Variants in ROR1 observed in about 807,000 individuals in gnomAD.
The protein encoded by ROR1 is ROR family WNT receptor 1.
A neutral mutation model predicts 78.8 loss-of-function variants in ROR1; 19 were observed. The ratio of observed to expected loss-of-function variants is 0.24; its 90% CI spans 0.17 to 0.35. The LOEUF is 0.35. ROR1 is among the 10% of genes least tolerant of loss of function. The pLI is 1.00. For synonymous variants in ROR1, 386 were observed against 433.6 expected (o/e 0.89, Z 1.36); for missense variants, 917 against 1,177.8 (o/e 0.78, Z 3.24).
At chr1:64,101,797 T>C (rs562812498) in intron 4 of ROR1, among the ~76,000 whole-genome samples, 1 of 152,276 alleles carries the variant, frequency 6.6e-6, no homozygotes, top group South Asian at 2.1e-4. Context: ...GAGTGAGCCA[T>C]ACGTTTATCT....
intron 4 of ROR1, among the ~76,000 whole-genome samples, chr1:64,051,876 A>C (rs969620831): frequency 1.3e-5 from 2 of 152,248 alleles, no homozygotes; most frequent in Non-Finnish European, 2.9e-5. Flanking sequence ...TATAACAGCC[A>C]CTTAATTTGC....
intron 1 of ROR1, among the ~76,000 whole-genome samples, chr1:63,861,032 C>T (rs1247553322): frequency 6.6e-6 from 1 of 152,056 alleles, no homozygotes; most frequent in African/African-American, 2.4e-5. Context: ...TTCTGTTTTG[C>T]CTGATGGAGT....
At chr1:63,829,807 G>A (rs1644975478) in intron 1 of ROR1, among the ~76,000 whole-genome samples, 1 of 152,122 alleles carries the variant, frequency 6.6e-6, no homozygotes, top group East Asian at 1.9e-4. Flanking sequence ...TTCCAAGAAA[G>A]GAGTGACTTG....
chr1:63,941,712 C>T (rs191894989), intron 1 of ROR1, among the ~76,000 whole-genome samples: 55 of 152,270 alleles, frequency 3.6e-4, no homozygotes, highest in African/African-American at 1.2e-3. Context: ...ACCTCCAGGG[C>T]TTTGTATGGA....
At chr1:64,078,565 T>C (rs1018784639) in intron 4 of ROR1, among the ~76,000 whole-genome samples, 1 of 152,108 alleles carries the variant, frequency 6.6e-6, no homozygotes, top group African/African-American at 2.4e-5. Context: ...CAGAGCCTAT[T>C]CCTAGGGTAG....
intron 4 of ROR1, among the ~76,000 whole-genome samples, chr1:64,104,436 A>C (rs1647702836): frequency 6.6e-6 from 1 of 152,156 alleles, no homozygotes; most frequent in African/African-American, 2.4e-5. Context: ...CTACTAATCA[A>C]TATAGCATGA....
At chr1:63,895,394 C>G (rs887588291) in intron 1 of ROR1, among the ~76,000 whole-genome samples, 1 of 152,124 alleles carries the variant, frequency 6.6e-6, no homozygotes, top group Non-Finnish European at 1.5e-5. Flanking sequence ...GGCTAACACT[C>G]ACTTAAGAAA....
intron 8 of ROR1, among the ~76,000 whole-genome samples, chr1:64,161,518 C>T (rs1206768647): frequency 6.6e-6 from 1 of 152,216 alleles, no homozygotes; most frequent in African/African-American, 2.4e-5. Context: ...GTAGCCCTAG[C>T]CCTGCCAGGG....
At position 63,872,426 on chromosome 1, in the gene ROR1, A is replaced by AT. The variant is rs60486807; in HGVS notation, c.91+97928dup. Among the ~76,000 whole-genome samples the AT allele has an allele frequency of 3.5e-4, 53 of 149,936 alleles. No individual in the cohort carries two copies. The East Asian group carries it at 6.9e-3, about 19-fold the overall frequency. ...TAAGTTCTTTAACCTCCTTTTGCTT[A>AT]TTTTTTTTTTCTCCCTGCAACATGG... On this transcript the variant is annotated intron_variant, in intron 1 of 8. Coordinates refer to ENST00000371079, the MANE Select transcript of ROR1 (RefSeq NM_005012.4).
At chr1:64,050,016 A>G (rs368310376) in intron 3 of ROR1, 38 bp downstream of exon 3, 186 of 1,606,508 alleles carry the variant, frequency 1.2e-4, no homozygotes, top group Non-Finnish European at 1.5e-4. Flanking sequence ...TTTGGCCCTC[A>G]GCCCAATGTG....
At chr1:64,103,541 CA>C (rs1276830993) in intron 4 of ROR1, among the ~76,000 whole-genome samples, 1 of 152,066 alleles carries the variant, frequency 6.6e-6, no homozygotes, top group Non-Finnish European at 1.5e-5. Context: ...CTGCAATTAT[CA>C]ATTAAAATTT....
intron 1 of ROR1, among the ~76,000 whole-genome samples, chr1:63,876,844 G>C (rs1223789869): frequency 2.0e-5 from 3 of 151,842 alleles, no homozygotes; most frequent in African/African-American, 7.3e-5. Flanking sequence ...GCAAGTAGAA[G>C]ACTGCTTAGC....
chr1:64,164,853 A>C (rs1406995897), intron 8 of ROR1, among the ~76,000 whole-genome samples: 1 of 152,168 alleles, frequency 6.6e-6, no homozygotes, highest in Non-Finnish European at 1.5e-5. Flanking sequence ...TGCGGTACTT[A>C]GTTTTCTGTT....
intron 7 of ROR1, among the ~76,000 whole-genome samples, chr1:64,145,911 C>T (rs1379139794): frequency 6.6e-6 from 1 of 152,160 alleles, no homozygotes; most frequent in Non-Finnish European, 1.5e-5. Flanking sequence ...GAGAAAGCCC[C>T]AGGGTCATCC....
At chr1:63,824,128 T>C (rs1403033636) in intron 1 of ROR1, among the ~76,000 whole-genome samples, 1 of 152,208 alleles carries the variant, frequency 6.6e-6, no homozygotes, top group Non-Finnish European at 1.5e-5. Flanking sequence ...TTTTTTCTCC[T>C]AATGAGTTTT....
intron 1 of ROR1, among the ~76,000 whole-genome samples, chr1:63,975,969 T>C (rs546309256): frequency 1.3e-5 from 2 of 152,330 alleles, no homozygotes; most frequent in East Asian, 3.9e-4. Context: ...TTTTTGATCA[T>C]TCACTGGGCT....
chr1:64,037,120 G>A (rs1557621137), intron 2 of ROR1, among the ~76,000 whole-genome samples: 1 of 152,148 alleles, frequency 6.6e-6, no homozygotes, highest in Non-Finnish European at 1.5e-5. Flanking sequence ...CTCTCACACA[G>A]TGTCACTTCT....
intron 1 of ROR1, among the ~76,000 whole-genome samples, chr1:63,885,791 A>G (rs1367572233): frequency 2.0e-5 from 3 of 152,138 alleles, no homozygotes; most frequent in South Asian, 2.1e-4. Flanking sequence ...GAACCCTCAT[A>G]TGTTAGATCA....
intron 7 of ROR1, among the ~76,000 whole-genome samples, chr1:64,154,772 A>G (rs1649726224): frequency 6.6e-6 from 1 of 152,218 alleles, no homozygotes; most frequent in Admixed American, 6.5e-5. Flanking sequence ...AACTTGATGT[A>G]ACTAATATGT....
Sources: gnomAD v4.1 joint callset for allele counts (sites outside exome capture counted in the v4.1 genomes callset) on GRCh38, gnomAD v4.1.1 for gene constraint, MANE v1.5 for transcripts, NCBI Gene and HGNC (gene_info 2026-07-23, HGNC 2026-07-21) for gene names.